NRG1: variants seen among roughly 807,000 people sequenced by gnomAD.
NRG1 encodes pro-neuregulin-1, membrane-bound isoform.
NRG1 carries 18 observed loss-of-function variants against 63.8 expected under a neutral mutation model. The observed-to-expected ratio is 0.28, with a 90% CI of 0.19 to 0.42. NRG1 has a LOEUF of 0.42. Among genes scored for constraint, NRG1 ranks in the 10% least tolerant of loss-of-function variants. The pLI is 1.00. For missense variants in NRG1, 762 were observed against 814.7 expected (o/e 0.94, Z 0.79); for synonymous variants, 302 against 301.3 (o/e 1.00, Z -0.02).
chr8:32,737,321 G>A (rs1205255796), intron 6 of NRG1, among the ~76,000 whole-genome samples: 5 of 152,098 alleles, frequency 3.3e-5, no homozygotes, highest in Non-Finnish European at 5.9e-5. Flanking sequence ...AGGCCAAGGC[G>A]GGTGGATCAC....
At chr8:32,046,561 G>A (rs574584429) in intron 1 of NRG1, among the ~76,000 whole-genome samples, 1 of 152,108 alleles carries the variant, frequency 6.6e-6, no homozygotes, top group East Asian at 1.9e-4. Flanking sequence ...CATTCAACAG[G>A]TGAATAGAAA....
At chr8:32,549,033 C>G (rs949759976) in intron 1 of NRG1, among the ~76,000 whole-genome samples, 2 of 152,216 alleles carry the variant, frequency 1.3e-5, no homozygotes, top group African/African-American at 4.8e-5. Flanking sequence ...GCGCCTACGC[C>G]CAGAGCTCAG....
At chr8:31,732,522 C>T (rs1407844254) in intron 1 of NRG1, among the ~76,000 whole-genome samples, 2 of 151,972 alleles carry the variant, frequency 1.3e-5, no homozygotes, top group African/African-American at 4.8e-5. Context: ...GAATTTTAGG[C>T]TGTAAGTGTA....
intron 1 of NRG1, among the ~76,000 whole-genome samples, chr8:32,206,367 A>AG (rs1466244316): frequency 2.0e-5 from 3 of 152,190 alleles, no homozygotes; most frequent in Non-Finnish European, 4.4e-5. Context: ...AGATATAACT[A>AG]GATACATGTT....
chr8:32,434,514 T>TAATGCCC (rs1818548862), intron 1 of NRG1, among the ~76,000 whole-genome samples: 1 of 152,150 alleles, frequency 6.6e-6, no homozygotes, highest in African/African-American at 2.4e-5. Context: ...ACTGAACTCT[T>TAATGCCC]AATGCCCCAG....
chr8:32,068,114 G>A (rs556443259), intron 1 of NRG1, among the ~76,000 whole-genome samples: 3 of 152,274 alleles, frequency 2.0e-5, no homozygotes, highest in South Asian at 4.1e-4. Context: ...AAGATCATTT[G>A]TTCTACAGGT....
intron 1 of NRG1, among the ~76,000 whole-genome samples, chr8:32,046,656 G>A (rs756403268): frequency 2.0e-5 from 3 of 151,972 alleles, no homozygotes; most frequent in East Asian, 3.9e-4. Flanking sequence ...AATTTCAAAG[G>A]CATTATACAG....
intron 5 of NRG1, chr8:32,646,888 TG>T: frequency 1.1e-6 from 1 of 925,806 alleles, no homozygotes; most frequent in Non-Finnish European, 1.2e-6. Context: ...GAGCGGGGAG[TG>T]GGGGTTGGGA....
At chr8:32,678,189 AGAGT>A (rs1176480360) in intron 5 of NRG1, among the ~76,000 whole-genome samples, 1 of 152,186 alleles carries the variant, frequency 6.6e-6, no homozygotes, top group African/African-American at 2.4e-5. Context: ...CAAGTCAAGT[AGAGT>A]ATAAATTCAC....
chr8:32,681,214 T>C (rs528564216), intron 5 of NRG1, among the ~76,000 whole-genome samples: 2 of 152,282 alleles, frequency 1.3e-5, no homozygotes, highest in East Asian at 3.9e-4. Context: ...TATAGATAAT[T>C]GCTGTGGAAA....
chr8:32,236,147 GAA>G (rs1372663283), intron 1 of NRG1, among the ~76,000 whole-genome samples: 11 of 151,104 alleles, frequency 7.3e-5, no homozygotes, highest in African/African-American at 2.0e-4. Flanking sequence ...GTGTGTGTGT[GAA>G]TGTGTGTGTG....
At chr8:32,390,040 G>T (rs774812541) in intron 1 of NRG1, among the ~76,000 whole-genome samples, 3 of 152,042 alleles carry the variant, frequency 2.0e-5, no homozygotes, top group African/African-American at 7.2e-5. Context: ...GATTACAGGC[G>T]TGAGCCACTA....
chr8:32,263,198 A>G (rs1323833068), intron 1 of NRG1, among the ~76,000 whole-genome samples: 1 of 152,216 alleles, frequency 6.6e-6, no homozygotes, highest in Non-Finnish European at 1.5e-5. Flanking sequence ...TTTAATCATT[A>G]TAACATCCCT....
intron 1 of NRG1, among the ~76,000 whole-genome samples, chr8:31,944,324 C>T (rs766260967): frequency 3.3e-5 from 5 of 152,080 alleles, no homozygotes; most frequent in Non-Finnish European, 7.4e-5. Context: ...ATGAATCACT[C>T]GTGTTGTCAT....
intron 1 of NRG1, among the ~76,000 whole-genome samples, chr8:31,937,499 A>G (rs1472451294): frequency 2.0e-5 from 3 of 152,334 alleles, no homozygotes; most frequent in Non-Finnish European, 4.4e-5. Context: ...GAATTTAAAA[A>G]ATGGGAGAGA....
chr8:32,388,926 G>A (rs1811367460), intron 1 of NRG1, among the ~76,000 whole-genome samples: 2 of 152,246 alleles, frequency 1.3e-5, no homozygotes, highest in Admixed American at 6.5e-5. Context: ...GGGAAATTTA[G>A]GGGCATCCTT....
At chr8:32,445,101 G>A (rs1326411928) in intron 1 of NRG1, among the ~76,000 whole-genome samples, 4 of 152,168 alleles carry the variant, frequency 2.6e-5, no homozygotes, top group Non-Finnish European at 5.9e-5. Context: ...ATCCATGACA[G>A]ATTAGTCCCA....
chr8:32,192,213 A>G (rs1842559961), intron 1 of NRG1: 1 of 152,254 alleles, frequency 6.6e-6, no homozygotes, highest in Non-Finnish European at 1.5e-5. Context: ...ACACAGAACA[A>G]GCATTCAACC....
At chr8:32,398,005 T>C (rs1250083465) in intron 1 of NRG1, among the ~76,000 whole-genome samples, 3 of 152,202 alleles carry the variant, frequency 2.0e-5, no homozygotes, top group Non-Finnish European at 4.4e-5. Flanking sequence ...AAAAATCTAT[T>C]CTGTGAAGTA....
Sources: gnomAD v4.1 joint callset for allele counts (sites outside exome capture counted in the v4.1 genomes callset) on GRCh38, gnomAD v4.1.1 for gene constraint, MANE v1.5 for transcripts, NCBI Gene and HGNC (gene_info 2026-07-23, HGNC 2026-07-21) for gene names.